The following TRPM3 variants were observed in gnomAD, a reference collection of about 807,000 sequenced individuals.
TRPM3 encodes transient receptor potential cation channel subfamily M member 3, also known as long transient receptor potential channel 3.
Under a neutral mutation model 181.2 loss-of-function variants are expected in TRPM3, and 77 were observed. The observed-to-expected ratio is 0.42, with a 90% CI of 0.35 to 0.51. The LOEUF is 0.51. Among genes scored for constraint, TRPM3 ranks in the 20% least tolerant of loss-of-function variants. The pLI is 0.01. For synonymous variants in TRPM3, 745 were observed against 796.4 expected (o/e 0.94, Z 1.09); for missense variants, 1,759 against 2,196.7 (o/e 0.80, Z 3.98).
At chr9:70,794,787 C>T (rs985241268) in intron 6 of TRPM3, among the ~76,000 whole-genome samples, 6 of 152,180 alleles carry the variant, frequency 3.9e-5, no homozygotes, top group Non-Finnish European at 7.3e-5. Context: ...CCTTGCTGGA[C>T]TTTACAAAGC....
At chr9:71,243,396 G>A (rs969191981) in intron 1 of TRPM3, among the ~76,000 whole-genome samples, 1 of 152,210 alleles carries the variant, frequency 6.6e-6, no homozygotes, top group African/African-American at 2.4e-5. Context: ...CCGCTGTGCA[G>A]CTGTCACCTC....
intron 1 of TRPM3, among the ~76,000 whole-genome samples, chr9:71,290,183 C>T (rs962122527): frequency 4.6e-5 from 7 of 151,796 alleles, no homozygotes; most frequent in African/African-American, 9.7e-5. Context: ...ATAGGTGATA[C>T]GTGAAAAGGT....
intron 1 of TRPM3, among the ~76,000 whole-genome samples, chr9:70,955,402 A>G (rs2097056933): frequency 6.6e-6 from 1 of 152,200 alleles, no homozygotes; most frequent in Non-Finnish European, 1.5e-5. Flanking sequence ...GTCTTCAGAT[A>G]TCCTTCTCTG....
At chr9:70,992,779 T>A (rs2097501413) in intron 1 of TRPM3, among the ~76,000 whole-genome samples, 1 of 151,664 alleles carries the variant, frequency 6.6e-6, no homozygotes, top group Admixed American at 6.6e-5. Flanking sequence ...TGAATAGGAG[T>A]GTGAATAAAT....
intron 1 of TRPM3, among the ~76,000 whole-genome samples, chr9:71,049,664 A>G (rs547904144): frequency 7.9e-5 from 12 of 152,170 alleles, no homozygotes; most frequent in African/African-American, 2.9e-4. Context: ...AGCAATTGAC[A>G]CTTGGCCATT....
At chr9:71,323,201 C>T (rs909165185) in intron 1 of TRPM3, among the ~76,000 whole-genome samples, 3 of 152,028 alleles carry the variant, frequency 2.0e-5, no homozygotes, top group Admixed American at 2.0e-4. Context: ...TTACAGTAGC[C>T]TTCATGTGTT....
At chr9:71,210,420 T>G (rs550938886) in intron 1 of TRPM3, among the ~76,000 whole-genome samples, 2 of 152,276 alleles carry the variant, frequency 1.3e-5, no homozygotes, top group African/African-American at 4.8e-5. Flanking sequence ...GAATCATCCT[T>G]AAACCCTCCC....
intron 9 of TRPM3, among the ~76,000 whole-genome samples, chr9:70,643,276 T>A (rs528342556): frequency 6.6e-6 from 1 of 152,230 alleles, no homozygotes; most frequent in African/African-American, 2.4e-5. Flanking sequence ...GCACTTTACA[T>A]GTTTCTTTGC....
At chr9:71,043,687 G>A (rs1453212159) in intron 1 of TRPM3, among the ~76,000 whole-genome samples, 22 of 152,278 alleles carry the variant, frequency 1.4e-4, no homozygotes, top group Non-Finnish European at 2.8e-4. Context: ...AGCATCAGCT[G>A]GGAATTTTTT....
intron 1 of TRPM3, among the ~76,000 whole-genome samples, chr9:71,200,331 G>GA (rs913957970): frequency 1.8e-4 from 28 of 151,640 alleles, no homozygotes; most frequent in Middle Eastern, 6.8e-3. Flanking sequence ...GTGTGGTGCT[G>GA]AAAAAAATGT....
At chr9:71,191,928 G>T (rs144502791) in intron 1 of TRPM3, among the ~76,000 whole-genome samples, 12 of 151,692 alleles carry the variant, frequency 7.9e-5, no homozygotes, top group Admixed American at 5.3e-4. Flanking sequence ...GAGTGAATGG[G>T]GAGGTAACTA....
In TRPM3 at chr9:70,828,160, G is replaced by A. The variant is rs1049035052; in HGVS notation, c.802-142C>T. On this transcript the variant is annotated intron_variant, in intron 5 of 25. Transcript: ENST00000677713. ...AAGTACAGTCTACATCTTCTTCTTAGTATTGCTTTGGATAGAGGCAAGATT... is the reference window on the plus strand; with the variant it reads ...AAGTACAGTCTACATCTTCTTCTTAATATTGCTTTGGATAGAGGCAAGATT... 1.6e-5 allele frequency: 13 copies of A among 813,264 alleles called. 1 individual carries two copies. Among genetic ancestry groups the A allele is most frequent in the Admixed American group, 1.4e-4 (5 of 35,366 alleles). 50.4% of individuals were successfully genotyped at this position (813,264 alleles called of 1,614,324 possible). A position where few individuals can be genotyped will look rare whatever the true frequency, so the allele number is the denominator to read the frequency against.
At chr9:71,317,229 T>C (rs1305920137) in intron 1 of TRPM3, among the ~76,000 whole-genome samples, 1 of 152,194 alleles carries the variant, frequency 6.6e-6, no homozygotes, top group Non-Finnish European at 1.5e-5. Context: ...CTAGCAGAAA[T>C]GGAATCACAA....
chr9:70,655,048 T>A (rs2133842135), intron 9 of TRPM3, among the ~76,000 whole-genome samples: 1 of 150,536 alleles, frequency 6.6e-6, no homozygotes, highest in East Asian at 2.0e-4. Flanking sequence ...TGGCTCATGC[T>A]TGTAATCCCA....
At chr9:70,955,413 T>C (rs546890226) in intron 1 of TRPM3, among the ~76,000 whole-genome samples, 2 of 152,358 alleles carry the variant, frequency 1.3e-5, no homozygotes, top group South Asian at 4.1e-4. Flanking sequence ...TCCTTCTCTG[T>C]TCCACATGAC....
chr9:71,278,032 C>T (rs2084361953), intron 1 of TRPM3, among the ~76,000 whole-genome samples: 1 of 152,180 alleles, frequency 6.6e-6, no homozygotes, highest in African/African-American at 2.4e-5. Context: ...TTATTTCTAC[C>T]AGTGCTGGGG....
Position 70,645,805 on chromosome 9 carries a change from T to C in TRPM3, c.1346-5145A>G, listed in dbSNP as rs545251050. ...CAGAGTGATCAGGCAACCTACAGAATGGGAGAAAATTTTTGCAATCTGTGC... is the reference window on the plus strand; with the variant it reads ...CAGAGTGATCAGGCAACCTACAGAACGGGAGAAAATTTTTGCAATCTGTGC... On this transcript the variant is annotated intron_variant, in intron 9 of 25. Transcript: ENST00000677713. Among the ~76,000 whole-genome samples, 8 of 150,556 alleles carry C rather than the reference T, an allele frequency of 5.3e-5. No individual in the cohort carries two copies. The East Asian group carries it at 1.6e-3, about 29-fold the overall frequency.
At chr9:70,805,935 T>C (rs960017244) in intron 6 of TRPM3, among the ~76,000 whole-genome samples, 1 of 152,230 alleles carries the variant, frequency 6.6e-6, no homozygotes, top group African/African-American at 2.4e-5. Context: ...TCCCTTTGGG[T>C]GGAAGAAATG....
chr9:70,815,697 G>A (rs534668392), intron 6 of TRPM3, among the ~76,000 whole-genome samples: 47 of 152,036 alleles, frequency 3.1e-4, no homozygotes, highest in African/African-American at 1.0e-3. Context: ...GTAGATACTC[G>A]GCATATTATG....
Sources: allele counts gnomAD v4.1 joint callset (sites outside exome capture counted in the v4.1 genomes callset), GRCh38; gene constraint gnomAD v4.1.1; transcripts MANE v1.5; gene names NCBI Gene and HGNC (gene_info 2026-07-23, HGNC 2026-07-21).